The following SNED1 variants were observed in gnomAD, a reference collection of about 807,000 sequenced individuals.
SNED1 encodes sushi, nidogen and EGF-like domain-containing protein 1.
In SNED1, 81 loss-of-function variants were observed where a neutral mutation model predicts 166.7. The ratio of observed to expected loss-of-function variants is 0.49; its 90% CI spans 0.41 to 0.58. The LOEUF is 0.58. SNED1 is among the 20% of genes least tolerant of loss of function. SNED1 has a pLI of 0.00. For missense variants in SNED1, 1,604 were observed against 2,000.2 expected, an observed-to-expected ratio of 0.80 and a Z score of 3.78; for synonymous variants, 762 against 822.0, an observed-to-expected ratio of 0.93 and a Z score of 1.25.
intron 1 of SNED1, 78 bp from the exon 2 acceptor site, chr2:241,030,206 G>A: frequency 3.6e-6 from 5 of 1,377,036 alleles, no homozygotes; most frequent in Non-Finnish European, 4.9e-6. Context: ...CCTGGTGGCA[G>A]GGGCTGGGGA....
chr2:241,089,965 T>C (rs1370901922), intron 31 of SNED1: 24 of 1,545,782 alleles, frequency 1.6e-5, no homozygotes, highest in Non-Finnish European at 2.0e-5. Context: ...ATATAAAAGA[T>C]AAAAAATGGT....
chr2:241,046,942 A>G (rs2061664024), intron 8 of SNED1, among the ~76,000 whole-genome samples: 1 of 152,140 alleles, frequency 6.6e-6, no homozygotes, highest in African/African-American at 2.4e-5. Flanking sequence ...CAGGAGATCA[A>G]GACCATCCTG....
chr2:241,060,941 AC>A (rs1439148609), intron 16 of SNED1, among the ~76,000 whole-genome samples: 2 of 152,120 alleles, frequency 1.3e-5, no homozygotes, highest in Non-Finnish European at 2.9e-5. Context: ...AAAAAAAACA[AC>A]CAAAAAAAAC....
chr2:241,048,978 A>C (rs377717451), intron 10 of SNED1, 44 bp from the exon 11 acceptor site: 8 of 1,522,668 alleles, frequency 5.3e-6, no homozygotes, highest in African/African-American at 4.1e-5. Flanking sequence ...GGTCTGCTGG[A>C]AGACATGTGG....
In SNED1 at chr2:241,052,389, T is replaced by C; in HGVS notation, c.2004T>C (p.Asn668=). 2 of 1,592,256 alleles carry C rather than the reference T, an allele frequency of 1.3e-6. No individual in the cohort carries two copies. Among genetic ancestry groups the C allele is most frequent in the Non-Finnish European group, 1.7e-6 (2 of 1,168,516 alleles). Residue 668 remains asparagine, a synonymous_variant, in exon 15 of 32, where the codon AAT becomes AAC. Transcript: ENST00000310397. ...PSPCFRSPCV[N]GGTCEDRDTD... is the part of the protein sequence containing the mutation. ...CCTGCTTCCGGAGCCCGTGTGTGAATGGGGGCACCTGCGAGGACCGGGACA... is the reference window on the plus strand; with the variant it reads ...CCTGCTTCCGGAGCCCGTGTGTGAACGGGGGCACCTGCGAGGACCGGGACA...
At position 241,070,053 on chromosome 2, in the gene SNED1, G is replaced by C. The variant is rs907035027; in HGVS notation, c.3441G>C (p.Lys1147Asn). ...ATGTGACCACCAGCCAGAGCACCAA[G>C]AGCCGCTATGTCCCCAACGGGAAGC... is the stretch of plus-strand genomic sequence containing the variant. ...VINVTTSQST[K>N]SRYVPNGKLA... Residue 1147 changes from lysine (K) to asparagine (N), a missense_variant, in exon 24 of 32, where the codon AAG (lysine) becomes AAC (asparagine). By Grantham distance (94) the Lys-to-Asn change is moderately conservative. This residue lies in a region of SNED1 where 367 missense variants were observed against 379.4 expected (regional missense o/e 0.97). Coordinates refer to ENST00000310397, the MANE Select transcript of SNED1 (RefSeq NM_001080437.3). The C allele has an allele frequency of 2.1e-5, 34 of 1,613,082 alleles. No homozygotes were observed. The highest frequency in any genetic ancestry group is 2.8e-5 in the Non-Finnish European group (33 of 1,179,894).
intron 6 of SNED1, among the ~76,000 whole-genome samples, chr2:241,038,882 C>T (rs962908292): frequency 5.3e-5 from 8 of 152,182 alleles, no homozygotes; most frequent in African/African-American, 1.9e-4. Flanking sequence ...CTGGGCAGAG[C>T]TTCCCAGGAA....
intron 6 of SNED1, 65 bp downstream of exon 6, chr2:241,037,418 G>A (rs2061409508): frequency 8.8e-7 from 1 of 1,136,880 alleles, no homozygotes; most frequent in South Asian, 1.3e-5. Context: ...GACACAGCTG[G>A]ACAAGGCTGA....
rs913525962 is a variant in SNED1, at chr2:241,018,921, A to G, written c.214-11363A>G. ...GGAAAGAGCCTTATCAGGCCCAGAA[A>G]CGGTCAGGGCCAAACCTCAAGGCTT... On this transcript the variant is annotated intron_variant, in intron 1 of 31. Coordinates refer to ENST00000310397, the MANE Select transcript of SNED1 (RefSeq NM_001080437.3). The surrounding 1 kb of genome is among the most constrained non-coding windows in gnomAD (Gnocchi z 5.4). Among the ~76,000 whole-genome samples, 1 of 152,098 alleles carries G rather than the reference A, an allele frequency of 6.6e-6. No individual in the cohort carries two copies. Among genetic ancestry groups the G allele is most frequent in the South Asian group, 2.1e-4 (1 of 4,822 alleles).
intron 27 of SNED1, among the ~76,000 whole-genome samples, chr2:241,076,006 T>A (rs1168854097): frequency 6.6e-6 from 1 of 152,244 alleles, no homozygotes; most frequent in African/African-American, 2.4e-5. Context: ...CGGCGTCAAT[T>A]TGATACATCT....
At chr2:241,026,009 C>CTTTTTTTTTTTTTTTTTTTTTTTTTT (rs71404676) in intron 1 of SNED1, among the ~76,000 whole-genome samples, 3 of 73,574 alleles carry the variant, frequency 4.1e-5, no homozygotes, top group Non-Finnish European at 7.1e-5. Flanking sequence ...TTTTCTTTTC[C>CTTTTTTTTTTTTTTTTTTTTTTTTTT]TTTTTTTTTT....
intron 27 of SNED1, among the ~76,000 whole-genome samples, chr2:241,078,382 CAAAAA>C (rs60965517): frequency 5.2e-5 from 6 of 116,172 alleles, no homozygotes; most frequent in South Asian, 2.8e-4. Flanking sequence ...GACTCCGTCT[CAAAAA>C]AAAAAAAAAA....
chr2:241,028,946 G>A (rs2061070302), intron 1 of SNED1, among the ~76,000 whole-genome samples: 1 of 152,086 alleles, frequency 6.6e-6, no homozygotes, highest in Non-Finnish European at 1.5e-5. Flanking sequence ...TTATTTGCAG[G>A]AATAACTTGA....
At chr2:241,000,769 C>T (rs138497181) in intron 1 of SNED1, among the ~76,000 whole-genome samples, 2 of 152,348 alleles carry the variant, frequency 1.3e-5, no homozygotes, top group Admixed American at 6.5e-5. Flanking sequence ...TTATCTCCAT[C>T]GGAGCTTTTT....
intron 24 of SNED1, among the ~76,000 whole-genome samples, chr2:241,070,512 C>T (rs559887404): frequency 1.8e-3 from 267 of 152,348 alleles, no homozygotes; most frequent in African/African-American, 5.9e-3. Context: ...AGGGTGGCAG[C>T]GAGGAGGAAG....
Position 241,052,173 on chromosome 2 carries a change from G to C in SNED1, c.1969+16G>C, listed in dbSNP as rs768681179. Reference sequence around the variant, plus strand: ...TGCGAGATAGGTAAGGTGGGTGGGAGGCCAGGCCAGGGCGGCCAGGGGTGA... The same window carrying C: ...TGCGAGATAGGTAAGGTGGGTGGGACGCCAGGCCAGGGCGGCCAGGGGTGA... On this transcript the variant is annotated intron_variant, in intron 14 of 31. Coordinates refer to ENST00000310397, the MANE Select transcript of SNED1 (RefSeq NM_001080437.3). 1 of 1,603,002 alleles carries C rather than the reference G, an allele frequency of 6.2e-7. No individual in the cohort carries two copies. Among genetic ancestry groups the C allele is most frequent in the Non-Finnish European group, 8.5e-7 (1 of 1,170,046 alleles).
chr2:241,040,502 GCCAT>G (rs2061494600), intron 8 of SNED1, 89 bp downstream of exon 8: 1 of 803,684 alleles, frequency 1.2e-6, no homozygotes, highest in Non-Finnish European at 2.0e-6. Context: ...TTCCTTCCTT[GCCAT>G]CTGACTCACC....
Position 240,998,694 on chromosome 2 carries a change from G to C in SNED1, c.-144G>C, listed in dbSNP as rs1433432484. ...AGCGCGGCCCGGCCGAACGGGCGCG[G>C]GACGCGGAGCCCCCGACGGCGCGGC... On this transcript the variant is annotated 5_prime_UTR_variant, in exon 1 of 32. Coordinates refer to ENST00000310397, the MANE Select transcript of SNED1 (RefSeq NM_001080437.3). The C allele has an allele frequency of 1.1e-5, 2 of 174,848 alleles. No homozygotes were observed. The highest frequency in any genetic ancestry group is 4.8e-5 in the African/African-American group (2 of 41,588). The allele number at this position is 174,848 out of a possible 1,614,324, so 10.8% of individuals were successfully genotyped here.
chr2:241,055,772 G>A (rs894022370), intron 16 of SNED1, among the ~76,000 whole-genome samples: 1 of 152,202 alleles, frequency 6.6e-6, no homozygotes, highest in Non-Finnish European at 1.5e-5. Context: ...CCAGGGACTG[G>A]TCTGTAAAGC....
Sources: gnomAD v4.1 joint callset for allele counts (sites outside exome capture counted in the v4.1 genomes callset) on GRCh38, gnomAD v4.1.1 for gene constraint, gnomAD v4.1.1 regional missense constraint, Gnocchi (gnomAD v3.1) non-coding constraint, MANE v1.5 for transcripts, NCBI Gene and HGNC (gene_info 2026-07-23, HGNC 2026-07-21) for gene names.